MARK2: variants seen among roughly 807,000 people sequenced by gnomAD.
MARK2 encodes serine/threonine-protein kinase MARK2.
In MARK2, 16 loss-of-function variants were observed where a neutral mutation model predicts 89.8. The ratio of observed to expected loss-of-function variants is 0.18; its 90% confidence interval spans 0.12 to 0.27. The LOEUF (loss-of-function observed/expected upper bound fraction) is 0.27, where lower values mean the gene tolerates loss of function less well. MARK2 is among the 10% of genes least tolerant of loss of function. The pLI, the probability that MARK2 is intolerant of heterozygous loss-of-function variation, is 1.00. For synonymous variants in MARK2, 382 were observed against 399.5 expected (o/e 0.96, Z 0.52); for missense variants, 621 against 1,049.9 (o/e 0.59, Z 5.65).
intron 3 of MARK2, among the ~76,000 whole-genome samples, chr11:63,897,692 AT>A (rs1184348805): frequency 6.6e-6 from 1 of 152,182 alleles, no homozygotes; most frequent in East Asian, 1.9e-4. Flanking sequence ...TTTGATTAAA[AT>A]TGGCATCAGC....
At chr11:63,879,898 T>G (rs745767037) in intron 1 of MARK2, among the ~76,000 whole-genome samples, 1 of 152,134 alleles carries the variant, frequency 6.6e-6, no homozygotes, top group Non-Finnish European at 1.5e-5. Flanking sequence ...GGAGGCAGTA[T>G]TTGTTCACTT....
chr11:63,875,657 G>T (rs1048289870), intron 1 of MARK2, among the ~76,000 whole-genome samples: 1 of 152,178 alleles, frequency 6.6e-6, no homozygotes, highest in Non-Finnish European at 1.5e-5. Flanking sequence ...TCAGGAAACC[G>T]CCCTTGAGAT....
intron 18 of MARK2, 100 bp from the exon 19 acceptor site, chr11:63,908,777 C>G: frequency 7.9e-7 from 1 of 1,263,074 alleles, no homozygotes; most frequent in African/African-American, 1.5e-5. Flanking sequence ...CTGCTCCCTC[C>G]CGCTCTCCTC....
chr11:63,842,880 C>T (rs530586668), intron 1 of MARK2, among the ~76,000 whole-genome samples: 1 of 152,172 alleles, frequency 6.6e-6, no homozygotes, highest in East Asian at 1.9e-4. Context: ...GAACCTGTTT[C>T]CAGGAGCCCT....
intron 16 of MARK2, 70 bp downstream of exon 16, chr11:63,905,113 G>A: frequency 2.0e-6 from 3 of 1,470,076 alleles, no homozygotes; most frequent in South Asian, 2.5e-5. Flanking sequence ...GGTGGGTTGG[G>A]GGTTGGGGGT....
At chr11:63,880,005 T>G (rs979870123) in intron 1 of MARK2, 1 of 152,136 alleles carries the variant, frequency 6.6e-6, no homozygotes, top group Non-Finnish European at 1.5e-5. Context: ...GTTTCCCAGC[T>G]CCAGGCTGGA....
Position 63,854,454 on chromosome 11 carries a change from T to C in MARK2, c.54+14894T>C, listed in dbSNP as rs2016741191. The stretch of plus-strand genomic sequence containing the variant: ...CTGGTCTCAAACTCCTGACCTCAAG[T>C]GATCCACCTGCCTCAGCCTCCCACA... On this transcript the variant is annotated intron_variant, in intron 1 of 18. Coordinates refer to ENST00000402010, the MANE Select transcript of MARK2 (RefSeq NM_001039469.3). Among the ~76,000 whole-genome samples the C allele has an allele frequency of 1.4e-5, 2 of 147,008 alleles. 1 individual carries two copies. The highest frequency in any genetic ancestry group is 4.3e-4 in the South Asian group (2 of 4,616).
chr11:63,852,870 G>A (rs541231376), intron 1 of MARK2, among the ~76,000 whole-genome samples: 7 of 152,148 alleles, frequency 4.6e-5, no homozygotes, highest in Non-Finnish European at 8.8e-5. Context: ...TTATGCGTAC[G>A]TACTATGAGC....
chr11:63,889,016 C>G, intron 1 of MARK2: 1 of 1,291,982 alleles, frequency 7.7e-7, no homozygotes, highest in Non-Finnish European at 1.0e-6. Context: ...TTTCTTTCCT[C>G]TCATCTCAAA....
chr11:63,868,803 G>GA (rs1322078463), intron 1 of MARK2: 1 of 456,104 alleles, frequency 2.2e-6, no homozygotes, highest in Admixed American at 2.3e-5. Context: ...CAGCGTTGGA[G>GA]AGATCATGTG....
intron 1 of MARK2, among the ~76,000 whole-genome samples, chr11:63,885,444 T>G (rs1590629561): frequency 6.8e-6 from 1 of 147,514 alleles, no homozygotes; most frequent in African/African-American, 2.5e-5. Context: ...GAGGCTGAGG[T>G]GGGAGGATGG....
At chr11:63,856,655 C>T (rs1459659409) in intron 1 of MARK2, among the ~76,000 whole-genome samples, 1 of 151,522 alleles carries the variant, frequency 6.6e-6, no homozygotes, top group Non-Finnish European at 1.5e-5. Context: ...AACTCCTGGC[C>T]TAAGTGATCC....
At chr11:63,841,142 CCCTT>C (rs1272253985) in intron 1 of MARK2, among the ~76,000 whole-genome samples, 1 of 152,222 alleles carries the variant, frequency 6.6e-6, no homozygotes, top group Non-Finnish European at 1.5e-5. Flanking sequence ...CCCTCTTACT[CCCTT>C]CTTTCTTTGT....
At chr11:63,865,779 C>T (rs1938095520) in intron 1 of MARK2, among the ~76,000 whole-genome samples, 2 of 152,126 alleles carry the variant, frequency 1.3e-5, no homozygotes, top group African/African-American at 4.8e-5. Context: ...TTTTGTTGTG[C>T]TTTTTCAAGT....
chr11:63,872,751 G>A (rs1051468400), intron 1 of MARK2, among the ~76,000 whole-genome samples: 1 of 152,172 alleles, frequency 6.6e-6, no homozygotes, highest in African/African-American at 2.4e-5. Context: ...CAGCTGGTTG[G>A]CTCTGTAGTG....
At position 63,895,184 on chromosome 11, in the gene MARK2, A is replaced by G; in HGVS notation, c.80A>G (p.Lys27Arg). Reference sequence around the variant, plus strand: ...CCCACCTTGGGACACCTTGACTCCAAGCCCAGCAGTAAGTCCAACATGATT... The same window carrying G: ...CCCACCTTGGGACACCTTGACTCCAGGCCCAGCAGTAAGTCCAACATGATT... ...EQPTLGHLDS[K>R]PSSKSNMIRG... The change falls in exon 2 of 19, where the codon AAG becomes AGG. Residue 27 changes from lysine (K) to arginine (R), a missense_variant. Transcript: ENST00000402010. 3.1e-6 allele frequency: 5 copies of G among 1,613,816 alleles called. No homozygotes were observed. The highest frequency in any genetic ancestry group is 4.2e-6 in the Non-Finnish European group (5 of 1,179,812).
At chr11:63,850,213 A>G (rs1165847693) in intron 1 of MARK2, among the ~76,000 whole-genome samples, 1 of 151,598 alleles carries the variant, frequency 6.6e-6, no homozygotes, top group East Asian at 1.9e-4. Context: ...CAGTAGCACC[A>G]TCTTGGCTCA....
At position 63,904,178 on chromosome 11, in the gene MARK2, C is replaced by G; in HGVS notation, c.1676+31C>G. On this transcript the variant is annotated intron_variant, in intron 15 of 18. Transcript: ENST00000402010. This position sits in a 1 kb window ranked among gnomAD's most constrained non-coding sequence, Gnocchi z 6.3. ...TGTGCTGGGGCAGCTGGTGCACCTG[C>G]TGCCCTCAGCCCACCCTACCCCCTT... 1 of 1,523,298 alleles carries G rather than the reference C, an allele frequency of 6.6e-7. No individual in the cohort carries two copies. The highest frequency in any genetic ancestry group is 1.2e-5 in the South Asian group (1 of 83,548). The allele number at this position is 1,523,298 out of a possible 1,614,324, so 94.4% of individuals were successfully genotyped here.
At chr11:63,861,017 T>A (rs1374274853) in intron 1 of MARK2, among the ~76,000 whole-genome samples, 1 of 152,206 alleles carries the variant, frequency 6.6e-6, no homozygotes, top group East Asian at 1.9e-4. Context: ...GCAAGTCCCA[T>A]AATCTGCTTT....
Sources: gnomAD v4.1 joint callset for allele counts (sites outside exome capture counted in the v4.1 genomes callset) on GRCh38, gnomAD v4.1.1 for gene constraint, Gnocchi (gnomAD v3.1) non-coding constraint, MANE v1.5 for transcripts, NCBI Gene and HGNC (gene_info 2026-07-23, HGNC 2026-07-21) for gene names.